KLHL41: variants seen among roughly 807,000 people sequenced by gnomAD.
The protein encoded by KLHL41 is kelch-like protein 41.
A neutral mutation model predicts 49.2 loss-of-function variants in KLHL41; 31 were observed. The ratio of observed to expected loss-of-function variants is 0.63; its 90% CI spans 0.47 to 0.85. KLHL41 has a LOEUF of 0.85. KLHL41 is among the 40% of genes least tolerant of loss of function. The pLI is 0.00. For missense variants in KLHL41, 663 were observed against 726.7 expected (o/e 0.91, Z 1.01); for synonymous variants, 218 against 258.5 (o/e 0.84, Z 1.50).
At position 169,525,970 on chromosome 2, in the gene KLHL41, C is replaced by A; in HGVS notation, c.*274C>A. The A allele has an allele frequency of 4.1e-6, 1 of 244,038 alleles. No homozygotes were observed. The highest frequency in any genetic ancestry group is 7.8e-6 in the Non-Finnish European group (1 of 128,392). 15.1% of individuals were successfully genotyped at this position (244,038 alleles called of 1,614,324 possible). ...CACTCAATGGATTGTAAAGAAGGCT[C>A]CTAAATTTGAGTTGTTTGCTAATCA... is the stretch of plus-strand genomic sequence containing the variant. On this transcript the variant is annotated 3_prime_UTR_variant, in exon 6 of 6. Coordinates refer to ENST00000284669, the MANE Select transcript of KLHL41 (RefSeq NM_006063.3).
intron 4 of KLHL41, among the ~76,000 whole-genome samples, chr2:169,518,862 TACAG>T (rs1684157064): frequency 6.6e-6 from 1 of 152,112 alleles, no homozygotes; most frequent in East Asian, 1.9e-4. Context: ...TTGTTTTTGG[TACAG>T]ACAGGGTCTC....
chr2:169,514,872 A>G lies in KLHL41; in HGVS notation c.1287A>G (p.Glu429=), dbSNP rs751866742. The G allele has an allele frequency of 6.2e-7, 1 of 1,608,768 alleles. No homozygotes were observed. Among genetic ancestry groups the G allele is most frequent in the South Asian group, 1.1e-5 (1 of 89,542 alleles). The part of the protein sequence containing the change: ...CYDPVAAKWN[E]VKKLPIKVYG... Reference sequence around the variant, plus strand: ...ATTTTAGGGCTGCAAAATGGAACGAAGTAAAAAAACTCCCTATCAAAGTCT... The same window carrying G: ...ATTTTAGGGCTGCAAAATGGAACGAGGTAAAAAAACTCCCTATCAAAGTCT... The change falls in exon 3 of 6, where the codon GAA becomes GAG. Residue 429 remains glutamate, a synonymous_variant. Transcript: ENST00000284669.
At chr2:169,517,027 TAAATA>T (rs1238066448) in intron 3 of KLHL41, among the ~76,000 whole-genome samples, 1 of 151,878 alleles carries the variant, frequency 6.6e-6, no homozygotes, top group African/African-American at 2.4e-5. Flanking sequence ...AATAAATAAA[TAAATA>T]AAAGTAAGTG....
At chr2:169,514,084 C>T (rs1327992984) in intron 1 of KLHL41, 1 of 152,370 alleles carries the variant, frequency 6.6e-6, no homozygotes, top group South Asian at 2.1e-4. Flanking sequence ...AGATATTGCC[C>T]AACATCCCAG....
In KLHL41 at chr2:169,520,275, AGTGTGTGT is replaced by A. The variant is rs71003095; in HGVS notation, c.1563-557_1563-550del. ...TGGGCTCAAGCTATCCTCCTGCCTC[AGTGTGTGT>A]GTGTGTGTGTGTGTGTGTGTGTGTG... On this transcript the variant is annotated intron_variant, in intron 4 of 5. Coordinates refer to ENST00000284669, the MANE Select transcript of KLHL41 (RefSeq NM_006063.3). Among the ~76,000 whole-genome samples, 28 of 56,896 alleles carry A rather than the reference AGTGTGTGT, an allele frequency of 4.9e-4. 1 individual carries two copies. The highest frequency in any genetic ancestry group is 1.2e-3 in the African/African-American group (23 of 19,928). The allele number at this position is 56,896 out of a possible 152,430, so 37.3% of individuals were successfully genotyped here.
chr2:169,520,330 G>GTGTGTGTGTGTGTGTGTGT (rs1684184636), intron 4 of KLHL41, among the ~76,000 whole-genome samples: 1 of 148,180 alleles, frequency 6.7e-6, no homozygotes, highest in African/African-American at 2.5e-5. Context: ...GTGTGTGTGT[G>GTGTGTGTGTGTGTGTGTGT]GAGGCAGTCC....
At chr2:169,511,032 A>G in intron 1 of KLHL41, 144 bp downstream of exon 1, 1 of 690,806 alleles carries the variant, frequency 1.4e-6, no homozygotes, top group African/African-American at 1.8e-5. Context: ...TTTGCTGTAT[A>G]GAGCGTTGAC....
rs1684183914 is a variant in KLHL41, at chr2:169,520,314, G to GTGTGTGTGTGTGTGTGTA, written c.1563-531_1563-530insTATGTGTGTGTGTGTGTG. 7.8e-4 allele frequency among the ~76,000 whole-genome samples: 81 copies of GTGTGTGTGTGTGTGTGTA among 103,520 alleles called. 6 individuals carry two copies. Among genetic ancestry groups the GTGTGTGTGTGTGTGTGTA allele is most frequent in the Middle Eastern group, 5.8e-3 (1 of 172 alleles). The allele number at this position is 103,520 out of a possible 152,430, so 67.9% of individuals were successfully genotyped here. A position where few individuals can be genotyped will look rare whatever the true frequency, so the allele number is the denominator to read the frequency against. On this transcript the variant is annotated intron_variant, in intron 4 of 5. Coordinates refer to ENST00000284669, the MANE Select transcript of KLHL41 (RefSeq NM_006063.3). ...TGTGTGTGTGTGTGTGTGTGTGTAT[G>GTGTGTGTGTGTGTGTGTA]TGTGTGTGTGTGTGTGGAGGCAGTC...
intron 5 of KLHL41, among the ~76,000 whole-genome samples, chr2:169,521,590 G>A (rs922394251): frequency 1.5e-4 from 23 of 151,554 alleles, no homozygotes; most frequent in Non-Finnish European, 2.4e-4. Context: ...ACGGCATTTC[G>A]CCATGTTGGC....
chr2:169,517,690 A>G (rs1684137021), intron 3 of KLHL41, among the ~76,000 whole-genome samples: 1 of 152,232 alleles, frequency 6.6e-6, no homozygotes, highest in African/African-American at 2.4e-5. Context: ...TCTAATCCAT[A>G]GTCCCAGATT....
Position 169,514,958 on chromosome 2 carries a change from A to G in KLHL41, c.1373A>G (p.Asp458Gly). Reference sequence around the variant, plus strand: ...TATTGTCTAGGAGGAAAGACAGATGACAAGTAAGTACCCTGAACTCTCATG... The same window carrying G: ...TATTGTCTAGGAGGAAAGACAGATGGCAAGTAAGTACCCTGAACTCTCATG... ...MIYCLGGKTD[D>G]KKCTNRVFIF... is the part of the protein sequence containing the mutation. Residue 458 changes from aspartate (D) to glycine (G), a missense_variant, in exon 3 of 6, where the codon GAC (aspartate) becomes GGC (glycine). Transcript: ENST00000284669. 1 of 1,544,742 alleles carries G rather than the reference A, an allele frequency of 6.5e-7. No homozygotes were observed. Among genetic ancestry groups the G allele is most frequent in the Non-Finnish European group, 8.9e-7 (1 of 1,125,918 alleles).
At chr2:169,521,309 G>A (rs1684199929) in intron 5 of KLHL41, among the ~76,000 whole-genome samples, 1 of 152,164 alleles carries the variant, frequency 6.6e-6, no homozygotes, top group Non-Finnish European at 1.5e-5. Context: ...AATGCTATAG[G>A]CATCCAGTAG....
rs974135846 is a variant in KLHL41 at position 169,518,266 on chromosome 2, C to T, written c.1453C>T (p.Arg485Cys). 32 of 1,613,824 alleles carry T rather than the reference C, an allele frequency of 2.0e-5. No individual in the cohort carries two copies. Among genetic ancestry groups the T allele is most frequent in the Non-Finnish European group, 2.5e-5 (29 of 1,179,840 alleles). ...AGATCTGGCTCCAATGAAAATTCCT[C>T]GTTCCATGTTTGGAGTAGCAGTCCA... ...WKDLAPMKIP[R>C]SMFGVAVHKG... is the part of the protein sequence containing the mutation. Residue 485 changes from arginine to cysteine, a missense_variant, in exon 4 of 6, where the codon CGT (arginine) becomes TGT (cysteine). Arg to Cys is a radical substitution (Grantham distance 180, BLOSUM62 -3). Transcript: ENST00000284669.
At position 169,510,186 on chromosome 2, in the gene KLHL41, A is replaced by G. The variant is rs916381609; in HGVS notation, c.408A>G (p.Leu136=). 7.4e-6 allele frequency: 12 copies of G among 1,614,024 alleles called. No individual in the cohort carries two copies. The African/African-American group carries it at 1.5e-4, about 20-fold the overall frequency. Residue 136 remains leucine, a synonymous_variant, in exon 1 of 6, where the codon CTA becomes CTG. Coordinates refer to ENST00000284669, the MANE Select transcript of KLHL41 (RefSeq NM_006063.3). This position sits in a 1 kb window ranked among gnomAD's most constrained non-coding sequence, Gnocchi z 4.2. ...AAAGACTTGCTCCTGGTAACTGTCT[A>G]GCCATCCTAAGATTAGGACTTCTTC... The part of the protein sequence containing the change: ...LQKRLAPGNC[L]AILRLGLLLD...
intron 3 of KLHL41, among the ~76,000 whole-genome samples, chr2:169,517,261 A>C (rs1212053140): frequency 6.6e-6 from 1 of 152,206 alleles, no homozygotes; most frequent in East Asian, 1.9e-4. Flanking sequence ...TTATTATTTG[A>C]AATTCTGAAC....
chr2:169,517,830 T>G (rs969976742), intron 3 of KLHL41, among the ~76,000 whole-genome samples: 15 of 152,194 alleles, frequency 9.9e-5, no homozygotes, highest in Non-Finnish European at 2.2e-4. Context: ...ATTCAGATAA[T>G]AAATAAACTT....
At chr2:169,514,322 T>G (rs771514595) in intron 1 of KLHL41, 3 of 341,934 alleles carry the variant, frequency 8.8e-6, no homozygotes, top group Non-Finnish European at 1.6e-5. Context: ...CTCTGGTGAT[T>G]CTATTTTATT....
At chr2:169,522,536 C>T (rs1470218438) in intron 5 of KLHL41, among the ~76,000 whole-genome samples, 1 of 151,792 alleles carries the variant, frequency 6.6e-6, no homozygotes, top group Non-Finnish European at 1.5e-5. Flanking sequence ...GAAAACAGGG[C>T]CAGGTACCAA....
chr2:169,515,508 A>G (rs1313916794), intron 3 of KLHL41, among the ~76,000 whole-genome samples: 1 of 152,236 alleles, frequency 6.6e-6, no homozygotes, highest in Non-Finnish European at 1.5e-5. Context: ...TCCAGGCAGT[A>G]TCTAGGAGCA....
Sources: gnomAD v4.1 joint callset for allele counts (sites outside exome capture counted in the v4.1 genomes callset) on GRCh38, gnomAD v4.1.1 for gene constraint, Gnocchi (gnomAD v3.1) non-coding constraint, MANE v1.5 for transcripts, NCBI Gene and HGNC (gene_info 2026-07-23, HGNC 2026-07-21) for gene names.